Variants in SYNPO2 observed in about 807,000 individuals in gnomAD.
SYNPO2 encodes synaptopodin 2.
Under a neutral mutation model 85.0 loss-of-function variants are expected in SYNPO2, and 56 were observed. That is an observed-to-expected ratio of 0.66 (90% CI 0.53 to 0.82). The LOEUF (loss-of-function observed/expected upper bound fraction) is 0.82. Ranked by LOEUF, SYNPO2 falls within the 40% of genes least tolerant of loss-of-function variation. SYNPO2 has a pLI of 0.00. For missense variants in SYNPO2, 1,575 were observed against 1,534.2 expected (o/e 1.03, Z -0.44); for synonymous variants, 602 against 591.1 (o/e 1.02, Z -0.27).
At chr4:118,930,116 G>A (rs1733874996) in intron 1 of SYNPO2, among the ~76,000 whole-genome samples, 1 of 152,142 alleles carries the variant, frequency 6.6e-6, no homozygotes, top group Non-Finnish European at 1.5e-5. Context: ...ATATATGTTA[G>A]CAATAATGAA....
chr4:118,875,008 T>C (rs1202877756), intron 1 of SYNPO2, among the ~76,000 whole-genome samples: 1 of 152,160 alleles, frequency 6.6e-6, no homozygotes, highest in Admixed American at 6.5e-5. Context: ...TTCTTCCTAA[T>C]GCTCTCCCCA....
At chr4:118,898,713 A>C (rs969093800) in intron 1 of SYNPO2, among the ~76,000 whole-genome samples, 1 of 152,216 alleles carries the variant, frequency 6.6e-6, no homozygotes, top group Admixed American at 6.5e-5. Context: ...GCCACCCTGC[A>C]GTGAGGCTTG....
rs199593703 is a variant in SYNPO2, at chr4:119,027,388, G to A, written c.1019G>A (p.Arg340His). The A allele has an allele frequency of 4.0e-5, 64 of 1,612,640 alleles. No homozygotes were observed. The highest frequency in any genetic ancestry group is 3.8e-4 in the Admixed American group (23 of 60,010). ...GGCACAGAGCAGGGAGAAGATCCAC[G>A]CTCGGAAAAAGATCACAGCAGACCT... The part of the protein sequence containing the change: ...SEGTEQGEDP[R>H]SEKDHSRPHK... Residue 340 changes from arginine (R) to histidine (H), a missense_variant, in exon 3 of 5, where the codon CGC (arginine) becomes CAC (histidine). Transcript: ENST00000307142.
intron 1 of SYNPO2, among the ~76,000 whole-genome samples, chr4:118,934,518 C>G (rs1218730578): frequency 6.6e-6 from 1 of 152,176 alleles, no homozygotes; most frequent in Non-Finnish European, 1.5e-5. Flanking sequence ...AACCCAATCA[C>G]TGTAGCCAGA....
At chr4:119,034,521 A>C (rs2149193500) in intron 4 of SYNPO2, 2 of 985,510 alleles carry the variant, frequency 2.0e-6, no homozygotes, top group Middle Eastern at 1.0e-3. Flanking sequence ...GGAGTTCTCC[A>C]AAACCTTGTA....
rs139920349 is a variant in SYNPO2 at position 118,880,740 on chromosome 4, C to A, written c.12+29800C>A. ...CCAGCCTGGGCGACAGAGCGAGACT[C>A]TGTCCCAAAAAAAAAAAAAAAAAAT... On this transcript the variant is annotated intron_variant, in intron 1 of 4. Coordinates refer to the SYNPO2 transcript ENST00000610556. 3.0e-5 allele frequency among the ~76,000 whole-genome samples: 3 copies of A among 99,966 alleles called. 1 individual carries two copies. The highest frequency in any genetic ancestry group is 9.6e-5 in the African/African-American group (3 of 31,240). The allele number at this position is 99,966 out of a possible 152,430, so 65.6% of individuals were successfully genotyped here. A position where few individuals can be genotyped will look rare whatever the true frequency, so the allele number is the denominator to read the frequency against.
intron 1 of SYNPO2, among the ~76,000 whole-genome samples, chr4:118,871,794 C>T (rs946856468): frequency 2.8e-4 from 42 of 152,148 alleles, no homozygotes; most frequent in African/African-American, 9.7e-4. Context: ...TGATCTCGAT[C>T]TCCTGACCTC....
At chr4:119,044,148 C>T (rs1578673998) in intron 4 of SYNPO2, among the ~76,000 whole-genome samples, 5 of 152,078 alleles carry the variant, frequency 3.3e-5, no homozygotes, top group Non-Finnish European at 1.5e-5. Flanking sequence ...GAAGTAAATG[C>T]TGCTTATTCT....
At chr4:118,995,152 A>G (rs1331266340) in intron 1 of SYNPO2, among the ~76,000 whole-genome samples, 1 of 152,168 alleles carries the variant, frequency 6.6e-6, no homozygotes, top group Non-Finnish European at 1.5e-5. Flanking sequence ...CTCATGATCT[A>G]ATACCCATGA....
rs70944828 is a variant in SYNPO2, at chr4:119,058,464, C to CT, written c.*556dup. 44,155 of 107,332 alleles carry CT rather than the reference C, an allele frequency of 0.41. 14,253 individuals carry two copies. The highest frequency in any genetic ancestry group is 0.51 in the Non-Finnish European group (28,831 of 56,106). 6.6% of individuals were successfully genotyped at this position (107,332 alleles called of 1,614,324 possible). A position where few individuals can be genotyped will look rare whatever the true frequency, so the allele number is the denominator to read the frequency against. On this transcript the variant is annotated 3_prime_UTR_variant, in exon 5 of 5. Coordinates refer to ENST00000307142, the MANE Select transcript of SYNPO2 (RefSeq NM_133477.3). ...CTTGGTGTTAAGTATTTCTCTGCAA[C>CT]TTTTTTTTTTTTTTTTTTTTTTTTT...
In SYNPO2 at chr4:119,057,763, T is replaced by C; in HGVS notation, c.3615T>C (p.Asn1205=). Reference sequence around the variant, plus strand: ...AAGAGTATAATGTCACAGCCAATAATAATATGTCCACCACCTCCCAATATG... The same window carrying C: ...AAGAGTATAATGTCACAGCCAATAACAATATGTCCACCACCTCCCAATATG... The part of the protein sequence containing the change: ...GRQEYNVTAN[N]NMSTTSQYGS... The change falls in exon 5 of 5, where the codon AAT becomes AAC. Residue 1205 remains asparagine, a synonymous_variant. Coordinates refer to ENST00000307142, the MANE Select transcript of SYNPO2 (RefSeq NM_133477.3). The C allele has an allele frequency of 1.9e-6, 3 of 1,614,150 alleles. No individual in the cohort carries two copies. Among genetic ancestry groups the C allele is most frequent in the Non-Finnish European group, 2.5e-6 (3 of 1,180,026 alleles).
intron 1 of SYNPO2, among the ~76,000 whole-genome samples, chr4:118,992,829 G>A (rs960268415): frequency 6.6e-6 from 1 of 152,172 alleles, no homozygotes; most frequent in Non-Finnish European, 1.5e-5. Flanking sequence ...TCCATTTAGA[G>A]TAGTTTCATA....
At chr4:118,964,573 T>C (rs1735239003) in intron 1 of SYNPO2, among the ~76,000 whole-genome samples, 1 of 152,118 alleles carries the variant, frequency 6.6e-6, no homozygotes, top group African/African-American at 2.4e-5. Flanking sequence ...GTTTTATTTA[T>C]TAGGGTGACA....
rs145346438 is a variant in SYNPO2 at position 118,904,682 on chromosome 4, T to C, written c.105+15541T>C. 7.8e-4 allele frequency among the ~76,000 whole-genome samples: 118 copies of C among 152,200 alleles called. No individual in the cohort carries two copies. In the East Asian group the frequency reaches 0.016, roughly 21 times the overall value. On this transcript the variant is annotated intron_variant, in intron 1 of 4. Coordinates refer to ENST00000307142, the MANE Select transcript of SYNPO2 (RefSeq NM_133477.3). ...TCTAAATTACAAGACCTTATTACTA[T>C]ATAAGGCTGCTTTTTCTAAGTAAAT... is the stretch of plus-strand genomic sequence containing the variant.
chr4:119,042,262 C>A (rs1738740507), intron 4 of SYNPO2: 1 of 132,556 alleles, frequency 7.5e-6, no homozygotes, highest in African/African-American at 2.6e-5. Context: ...CTAAAGGGGG[C>A]CTTGAGACGT....
upstream of SYNPO2, among the ~76,000 whole-genome samples, chr4:118,887,202 T>TGTGTGTGC (rs1222936783): frequency 6.7e-6 from 1 of 149,536 alleles, no homozygotes; most frequent in African/African-American, 2.5e-5. Context: ...TGTGTGTGTG[T>TGTGTGTGC]GCACCCTCTG....
chr4:119,010,340 G>T (rs974700847), intron 1 of SYNPO2, among the ~76,000 whole-genome samples: 7 of 152,198 alleles, frequency 4.6e-5, no homozygotes, highest in African/African-American at 1.7e-4. Flanking sequence ...CAGAATCATG[G>T]TGGGAGGCAA....
chr4:119,007,241 T>TGTATATAC (rs1737082426), intron 1 of SYNPO2, among the ~76,000 whole-genome samples: 1 of 39,824 alleles, frequency 2.5e-5, no homozygotes, highest in Non-Finnish European at 4.6e-5. Context: ...TATATATATA[T>TGTATATAC]ATATGTATAT....
chr4:118,984,700 C>T (rs1391742184), intron 1 of SYNPO2, among the ~76,000 whole-genome samples: 1 of 152,208 alleles, frequency 6.6e-6, no homozygotes, highest in Non-Finnish European at 1.5e-5. Flanking sequence ...GCATTTAGAA[C>T]TACTCCTTCC....
Sources: gnomAD v4.1 joint callset for allele counts (sites outside exome capture counted in the v4.1 genomes callset) on GRCh38, gnomAD v4.1.1 for gene constraint, MANE v1.5 for transcripts, NCBI Gene and HGNC (gene_info 2026-07-23, HGNC 2026-07-21) for gene names.